Variants in RTL1 observed in about 807,000 individuals in gnomAD.
RTL1 encodes the protein retrotransposon-like protein 1.
For synonymous variants in RTL1, 727 were observed against 748.4 expected, an observed-to-expected ratio of 0.97 and a Z score of 0.47; for missense variants, 1,681 against 1,767.5, an observed-to-expected ratio of 0.95 and a Z score of 0.88.
chr14:100,884,100 A>G lies in RTL1; in HGVS notation c.689T>C (p.Met230Thr). ...CQLTLQSYPR[M>T]FYNDRLRVGY... ...AACTCTCAGACGGTCGTTATAGAAC[A>G]TTCTTGGGTAGCTCTGTAAGGTCAG... The change falls in exon 4 of 4, where the codon ATG becomes ACG. Residue 230 changes from methionine to threonine, a missense_variant. By Grantham distance (81) the Met-to-Thr change is moderately conservative (BLOSUM62 -1). Transcript: ENST00000649591. 1 of 1,551,688 alleles carries G rather than the reference A, an allele frequency of 6.4e-7. No individual in the cohort carries two copies.
At chr14:100,887,239 T>C (rs545064240) in intron 3 of RTL1, among the ~76,000 whole-genome samples, 2 of 152,310 alleles carry the variant, frequency 1.3e-5, no homozygotes, top group East Asian at 1.9e-4. Flanking sequence ...CTTCGCATGA[T>C]ATAAAATTCT....
Position 100,881,456 on chromosome 14 carries a change from G to C in RTL1, c.3333C>G (p.Pro1111=). Residue 1111 remains proline, a synonymous_variant, in exon 4 of 4, where the codon CCC becomes CCG. Transcript: ENST00000649591. The surrounding 1 kb of genome is among the most constrained non-coding windows in gnomAD (Gnocchi z 6.6). ...VRQCLSLRPA[P]AMRVARPQPQ... Reference sequence around the variant, plus strand: ...GCTGGGGCCGAGCCACCCGCATGGCGGGTGCCGGCCGCAGCGAGAGGCATT... The same window carrying C: ...GCTGGGGCCGAGCCACCCGCATGGCCGGTGCCGGCCGCAGCGAGAGGCATT... 6.4e-7 allele frequency: 1 copy of C among 1,550,678 alleles called. No individual in the cohort carries two copies. The highest frequency in any genetic ancestry group is 8.7e-7 in the Non-Finnish European group (1 of 1,146,930).
Position 100,890,990 on chromosome 14 carries a change from T to C in RTL1, c.-87+2454A>G, listed in dbSNP as rs537088969. ...ATGGCAGCTTGAGGCTTGGAAGCCT[T>C]CCTGGTTTCCCTGGTATGAACAAGT... On this transcript the variant is annotated intron_variant, in intron 3 of 3. Transcript: ENST00000649591. 2.0e-5 allele frequency among the ~76,000 whole-genome samples: 3 copies of C among 152,288 alleles called. No individual in the cohort carries two copies. In the East Asian group the frequency reaches 5.8e-4, roughly 29 times the overall value.
At chr14:100,900,814 C>T (rs2038931337) in intron 2 of RTL1, among the ~76,000 whole-genome samples, 1 of 152,206 alleles carries the variant, frequency 6.6e-6, no homozygotes, top group Non-Finnish European at 1.5e-5. Flanking sequence ...CGCGCCCCCT[C>T]CCCCGTTTAT....
At chr14:100,891,370 G>A (rs2038775574) in intron 3 of RTL1, among the ~76,000 whole-genome samples, 1 of 152,192 alleles carries the variant, frequency 6.6e-6, no homozygotes, top group South Asian at 2.1e-4. Context: ...CGTAGTGATG[G>A]GGAAACTGAG....
In RTL1 at chr14:100,893,595, GCA is replaced by G. The variant is rs1016110550; in HGVS notation, c.-148-92_-148-91del. Among the ~76,000 whole-genome samples, 10 of 152,206 alleles carry G rather than the reference GCA, an allele frequency of 6.6e-5. No individual in the cohort carries two copies. Among genetic ancestry groups the G allele is most frequent in the African/African-American group, 2.2e-4 (9 of 41,450 alleles). ...CATTTTCTACAGTAGCAACCACAGT[GCA>G]CACACACAGTCTTCCAGCCTGCTCT... is the stretch of plus-strand genomic sequence containing the variant. On this transcript the variant is annotated intron_variant, in intron 2 of 3. Coordinates refer to ENST00000649591, the MANE Select transcript of RTL1 (RefSeq NM_001134888.3). This position sits in a 1 kb window ranked among gnomAD's most constrained non-coding sequence, Gnocchi z 4.2.
At chr14:100,886,481 G>C (rs1396732074) in intron 3 of RTL1, among the ~76,000 whole-genome samples, 2 of 152,118 alleles carry the variant, frequency 1.3e-5, no homozygotes, top group African/African-American at 4.8e-5. Flanking sequence ...TAAAATGTAA[G>C]GGCCTTAATA....
rs180933861 is a variant in RTL1 at position 100,888,446 on chromosome 14, C to A, written c.-86-3572G>T. Among the ~76,000 whole-genome samples, 61 of 149,620 alleles carry A rather than the reference C, an allele frequency of 4.1e-4. 1 individual carries two copies. Among genetic ancestry groups the A allele is most frequent in the African/African-American group, 1.5e-3 (61 of 41,470 alleles). The stretch of plus-strand genomic sequence containing the variant: ...AAAAACCCCAAATCTCATCCTGTTC[C>A]TGCTGTAAGCCCTTTATTGGCTTAA... On this transcript the variant is annotated intron_variant, in intron 3 of 3. Coordinates refer to ENST00000649591, the MANE Select transcript of RTL1 (RefSeq NM_001134888.3).
At chr14:100,900,621 C>T (rs998895841) in intron 2 of RTL1, among the ~76,000 whole-genome samples, 23 of 152,114 alleles carry the variant, frequency 1.5e-4, no homozygotes, top group Admixed American at 4.6e-4. Context: ...CCTCCGTGTC[C>T]GGCAGGGGCT....
chr14:100,898,471 C>G (rs781447076), intron 2 of RTL1, among the ~76,000 whole-genome samples: 4 of 152,242 alleles, frequency 2.6e-5, no homozygotes, highest in Non-Finnish European at 5.9e-5. Context: ...AGTGATCTTT[C>G]TAAAATGGCA....
rs748703977 is a variant in RTL1 at position 100,880,358 on chromosome 14, G to A, written c.*354C>T. Among the ~76,000 whole-genome samples, 3 of 152,184 alleles carry A rather than the reference G, an allele frequency of 2.0e-5. No individual in the cohort carries two copies. Among genetic ancestry groups the A allele is most frequent in the Non-Finnish European group, 4.4e-5 (3 of 67,996 alleles). On this transcript the variant is annotated 3_prime_UTR_variant, in exon 4 of 4. Coordinates refer to ENST00000649591, the MANE Select transcript of RTL1 (RefSeq NM_001134888.3). ...CCCCGTCACCTGCTTGCTTGGCTGC[G>A]CCTGCTGTGCCTGCTTCTTCATCTG...
intron 3 of RTL1, among the ~76,000 whole-genome samples, chr14:100,885,821 C>T (rs1566755418): frequency 6.6e-6 from 1 of 152,196 alleles, no homozygotes; most frequent in African/African-American, 2.4e-5. Flanking sequence ...CCAATCTTAT[C>T]CTCCCAGGTC....
chr14:100,884,536 G>A lies in RTL1; in HGVS notation c.253C>T (p.Arg85Cys), dbSNP rs373861350. ...TTGGGTGGATCCTCTATTTCCTTAC[G>A]TGGGCCACTGGATGGCTCCTCCATG... ...QDMEEPSSGP[R>C]KEIEDPPNDL... Residue 85 changes from arginine to cysteine, a missense_variant, in exon 4 of 4, where the codon CGT becomes TGT. Arg to Cys is a radical substitution (Grantham distance 180). Coordinates refer to ENST00000649591, the MANE Select transcript of RTL1 (RefSeq NM_001134888.3). The A allele has an allele frequency of 2.9e-5, 47 of 1,613,264 alleles. 1 individual carries two copies. The highest frequency in any genetic ancestry group is 1.1e-4 in the South Asian group (10 of 91,078).
In RTL1 at chr14:100,883,999, T is replaced by C. The variant is rs1221647994; in HGVS notation, c.790A>G (p.Ile264Val). The C allele has an allele frequency of 1.9e-6, 3 of 1,551,720 alleles. No homozygotes were observed. The highest frequency in any genetic ancestry group is 2.6e-6 in the Non-Finnish European group (3 of 1,147,010). Residue 264 changes from isoleucine to valine, a missense_variant, in exon 4 of 4, where the codon ATC becomes GTC. Physicochemically the swap from Ile to Val is conservative, Grantham distance 29. Coordinates refer to ENST00000649591, the MANE Select transcript of RTL1 (RefSeq NM_001134888.3). The surrounding 1 kb of genome is among the most constrained non-coding windows in gnomAD (Gnocchi z 5.9). ...KALLQENSPL[I>V]GDFPAFLEAM... ...TCCAGGAAGGCTGGGAAGTCTCCGA[T>C]CAGGGGGCTGTTTTCCTGCAGTAGA...
At chr14:100,889,453 TAC>T (rs1319733748) in intron 3 of RTL1, among the ~76,000 whole-genome samples, 14 of 152,362 alleles carry the variant, frequency 9.2e-5, no homozygotes, top group African/African-American at 3.1e-4. Context: ...TTTCACCACC[TAC>T]AGTTTCCAGC....
At chr14:100,884,929 A>C in intron 3 of RTL1, 55 bp from the exon 4 acceptor site, 1 of 732,316 alleles carries the variant, frequency 1.4e-6, no homozygotes, top group Non-Finnish European at 2.2e-6. Flanking sequence ...GATCTTGTGA[A>C]GTGGCAGTAT....
Position 100,881,899 on chromosome 14 carries a change from CG to C in RTL1, c.2889del (p.Val964TyrfsTer33). On this transcript the variant is annotated frameshift_variant, in exon 4 of 4. Coordinates refer to ENST00000649591, the MANE Select transcript of RTL1 (RefSeq NM_001134888.3). LOFTEE classifies it low-confidence loss of function (END_TRUNC). The surrounding 1 kb of genome is among the most constrained non-coding windows in gnomAD (Gnocchi z 6.6). Reference sequence around the variant, plus strand: ...AAGACCCAATGCCCGGGGAGAAGTACGGTGAGCCTGTCATTATTCAGAGAGG... The same window carrying C: ...AAGACCCAATGCCCGGGGAGAAGTACGTGAGCCTGTCATTATTCAGAGAGG... ...DLASLNNDRL[T>X]VLLPGHWVFF... 6.2e-7 allele frequency: 1 copy of C among 1,613,554 alleles called. No homozygotes were observed. Among genetic ancestry groups the C allele is most frequent in the Non-Finnish European group, 8.5e-7 (1 of 1,180,028 alleles).
At position 100,882,751 on chromosome 14, in the gene RTL1, G is replaced by T; in HGVS notation, c.2038C>A (p.His680Asn). 1 of 1,551,898 alleles carries T rather than the reference G, an allele frequency of 6.4e-7. No individual in the cohort carries two copies. The highest frequency in any genetic ancestry group is 8.7e-7 in the Non-Finnish European group (1 of 1,147,054). ...GTIVEESVNG[H>N]RTEDVWKAAF... Reference sequence around the variant, plus strand: ...GCTTTCCACACATCTTCGGTGCGGTGCCCGTTCACGCTTTCCTCCACAATG... The same window carrying T: ...GCTTTCCACACATCTTCGGTGCGGTTCCCGTTCACGCTTTCCTCCACAATG... The change falls in exon 4 of 4, where the codon CAC becomes AAC. Residue 680 changes from histidine (H) to asparagine (N), a missense_variant. By Grantham distance (68) the His-to-Asn change is moderately conservative. Coordinates refer to ENST00000649591, the MANE Select transcript of RTL1 (RefSeq NM_001134888.3).
intron 2 of RTL1, among the ~76,000 whole-genome samples, chr14:100,895,973 T>C (rs2038849769): frequency 6.6e-6 from 1 of 151,342 alleles, no homozygotes; most frequent in African/African-American, 2.4e-5. Flanking sequence ...CTCAGGAGAC[T>C]GAGGCATGAG....
Sources: gnomAD v4.1 joint callset for allele counts (sites outside exome capture counted in the v4.1 genomes callset) on GRCh38, gnomAD v4.1.1 for gene constraint, Gnocchi (gnomAD v3.1) non-coding constraint, MANE v1.5 for transcripts, NCBI Gene and HGNC (gene_info 2026-07-23, HGNC 2026-07-21) for gene names.